Variants in SRC observed in about 807,000 individuals in gnomAD.
SRC encodes the protein proto-oncogene tyrosine-protein kinase Src.
In SRC, 13 loss-of-function variants were observed where a neutral mutation model predicts 62.9. The ratio of observed to expected loss-of-function variants is 0.21; its 90% confidence interval spans 0.13 to 0.33. The LOEUF (loss-of-function observed/expected upper bound fraction) is 0.33. SRC is among the 10% of genes least tolerant of loss of function. SRC has a pLI of 1.00. For missense variants in SRC, 457 were observed against 737.3 expected (o/e 0.62, Z 4.40); for synonymous variants, 302 against 317.5 (o/e 0.95, Z 0.52).
chr20:37,370,776 C>T (rs756921900), intron 2 of SRC, among the ~76,000 whole-genome samples: 2 of 152,030 alleles, frequency 1.3e-5, no homozygotes, highest in African/African-American at 2.4e-5. Flanking sequence ...GTTATGGTAT[C>T]GGGGTAATAC....
At chr20:37,356,201 T>C (rs968533900) in intron 1 of SRC, among the ~76,000 whole-genome samples, 6 of 152,062 alleles carry the variant, frequency 3.9e-5, no homozygotes, top group African/African-American at 1.4e-4. Flanking sequence ...GAGGGACCTC[T>C]GAGGGGAGAT....
chr20:37,384,229 G>T lies in SRC; in HGVS notation c.76G>T (p.Gly26Cys), dbSNP rs779676153. ...CCTGGAGCCCGCCGAGAACGTGCAC[G>T]GCGCTGGCGGGGGCGCTTTCCCCGC... ...RSLEPAENVH[G>C]AGGGAFPASQ... The change falls in exon 4 of 14, where the codon GGC (glycine) becomes TGC (cysteine). Residue 26 changes from glycine to cysteine, a missense_variant. Physicochemically the swap from Gly to Cys is radical, Grantham distance 159. Coordinates refer to ENST00000373578, the MANE Select transcript of SRC (RefSeq NM_198291.3). This position sits in a 1 kb window ranked among gnomAD's most constrained non-coding sequence, Gnocchi z 6.7. 1 of 1,577,028 alleles carries T rather than the reference G, an allele frequency of 6.3e-7. No individual in the cohort carries two copies. Among genetic ancestry groups the T allele is most frequent in the Non-Finnish European group, 8.6e-7 (1 of 1,168,288 alleles).
intron 9 of SRC, 110 bp from the exon 10 acceptor site, chr20:37,400,005 T>G: frequency 9.3e-7 from 1 of 1,076,272 alleles, no homozygotes; most frequent in African/African-American, 1.6e-5. Flanking sequence ...GTTTGTCACA[T>G]GGCTGTGGAG....
At chr20:37,400,337 A>T (rs756532151) in intron 10 of SRC, 43 bp downstream of exon 10, 1 of 1,554,704 alleles carries the variant, frequency 6.4e-7, no homozygotes, top group Non-Finnish European at 8.8e-7. Flanking sequence ...GGCACTCCGG[A>T]CAGGGCAGGG....
intron 2 of SRC, among the ~76,000 whole-genome samples, chr20:37,365,887 AT>A (rs879519652): frequency 3.0e-3 from 433 of 144,804 alleles, no homozygotes; most frequent in Non-Finnish European, 2.8e-3. Flanking sequence ...CCTGGCCAGA[AT>A]TTTTTTTTTT....
In SRC at chr20:37,384,491, G is replaced by T; in HGVS notation, c.250+88G>T. On this transcript the variant is annotated intron_variant, in intron 4 of 13. Coordinates refer to ENST00000373578, the MANE Select transcript of SRC (RefSeq NM_198291.3). The surrounding 1 kb of genome is among the most constrained non-coding windows in gnomAD (Gnocchi z 6.7). ...CTGTGTGCCCGGGGTCGCCCCCTCT[G>T]CGCAGGCCCTTCCTCTCGCCAGGGG... The T allele has an allele frequency of 2.4e-6, 3 of 1,251,288 alleles. No individual in the cohort carries two copies. The South Asian group carries it at 8.7e-5, about 36-fold the overall frequency. 77.5% of individuals were successfully genotyped at this position (1,251,288 alleles called of 1,614,324 possible).
rs575748132 is a variant in SRC, at chr20:37,385,894, G to C, written c.251-181G>C. Among the ~76,000 whole-genome samples the C allele has an allele frequency of 1.9e-3, 287 of 152,370 alleles. 1 individual carries two copies. Among genetic ancestry groups the C allele is most frequent in the African/African-American group, 6.5e-3 (270 of 41,586 alleles). The stretch of plus-strand genomic sequence containing the variant: ...CTCCCACACGCCCTTGCAGGGATGC[G>C]CAGATACACGGATGCAGTGGACACG... On this transcript the variant is annotated intron_variant, in intron 4 of 13. Coordinates refer to ENST00000373578, the MANE Select transcript of SRC (RefSeq NM_198291.3).
intron 2 of SRC, among the ~76,000 whole-genome samples, chr20:37,369,774 CT>C (rs1038632386): frequency 5.9e-5 from 9 of 151,612 alleles, no homozygotes; most frequent in African/African-American, 1.9e-4. Flanking sequence ...CTGGGGTTTT[CT>C]TTTTCTTTTT....
intron 7 of SRC, among the ~76,000 whole-genome samples, chr20:37,395,726 C>A (rs1282475255): frequency 2.0e-5 from 3 of 152,226 alleles, no homozygotes; most frequent in Non-Finnish European, 4.4e-5. Context: ...AGGCCAGGGC[C>A]ACACAGCCAC....
In SRC at chr20:37,404,570, G is replaced by A. The variant is rs763362628; in HGVS notation, c.*1191G>A. The A allele has an allele frequency of 4.3e-6, 1 of 233,728 alleles. No homozygotes were observed. The highest frequency in any genetic ancestry group is 8.5e-6 in the Non-Finnish European group (1 of 118,050). The allele number at this position is 233,728 out of a possible 1,614,324, so 14.5% of individuals were successfully genotyped here. ...CATGAGGAGGGAAAAGAGTGCCTAA[G>A]CGGGGGTGAAAGAGGACGTGTTACC... On this transcript the variant is annotated 3_prime_UTR_variant, in exon 14 of 14. Transcript: ENST00000373578.
In SRC at chr20:37,394,158, G is replaced by A. The variant is rs200685415; in HGVS notation, c.450-16G>A. On this transcript the variant is annotated splice_polypyrimidine_tract_variant and intron_variant, in intron 6 of 13. Transcript: ENST00000373578. ...GCCTGGACAGTCAGCACCATCCTCC[G>A]TCCTCCCACCCCCAGGTGGTATTTT... The A allele has an allele frequency of 2.5e-6, 4 of 1,610,308 alleles. No homozygotes were observed. Among genetic ancestry groups the A allele is most frequent in the South Asian group, 1.1e-5 (1 of 91,006 alleles).
At chr20:37,400,406 T>A in intron 10 of SRC, 112 bp downstream of exon 10, 1 of 958,196 alleles carries the variant, frequency 1.0e-6, no homozygotes, top group Non-Finnish European at 1.5e-6. Context: ...TGGAATGCAG[T>A]AGAGCCAAAT....
chr20:37,349,445 G>A (rs775232637), intron 1 of SRC, among the ~76,000 whole-genome samples: 8 of 152,196 alleles, frequency 5.3e-5, no homozygotes, highest in South Asian at 2.1e-4. Context: ...TGTTCTGACC[G>A]TCCCACTTGC....
At chr20:37,375,763 CA>C (rs1485320853) in intron 2 of SRC, among the ~76,000 whole-genome samples, 1 of 152,182 alleles carries the variant, frequency 6.6e-6, no homozygotes, top group Non-Finnish European at 1.5e-5. Flanking sequence ...GCTGCTGTAA[CA>C]AAATACCATA....
chr20:37,355,468 G>A (rs1009996405), intron 1 of SRC, among the ~76,000 whole-genome samples: 1 of 152,194 alleles, frequency 6.6e-6, no homozygotes, highest in Non-Finnish European at 1.5e-5. Flanking sequence ...GCCACTGGGA[G>A]TGGCTCCTGG....
chr20:37,369,088 C>A (rs1171158358), intron 2 of SRC, among the ~76,000 whole-genome samples: 1 of 152,168 alleles, frequency 6.6e-6, no homozygotes, highest in Non-Finnish European at 1.5e-5. Flanking sequence ...CATGCTGTTA[C>A]TGTTGTTTTA....
chr20:37,399,646 A>G (rs6018290), intron 9 of SRC, among the ~76,000 whole-genome samples: 23,043 of 151,400 alleles, frequency 0.15, 3,666 homozygotes, highest in African/African-American at 0.4. Flanking sequence ...CCAGGCTCAA[A>G]CCATTCTCCT....
Position 37,351,899 on chromosome 20 carries a change from G to A in SRC, c.-247+5644G>A, listed in dbSNP as rs149212777. Among the ~76,000 whole-genome samples the A allele has an allele frequency of 1.6e-3, 247 of 152,304 alleles. 1 individual carries two copies. The highest frequency in any genetic ancestry group is 5.6e-3 in the African/African-American group (231 of 41,564). ...GATTCTTATTAAGTGTGTACCCAAC[G>A]TGGCTAAAACTTTTCCCAGGTATAG... is the stretch of plus-strand genomic sequence containing the variant. On this transcript the variant is annotated intron_variant, in intron 1 of 13. Transcript: ENST00000373578. The surrounding 1 kb of genome is among the most constrained non-coding windows in gnomAD (Gnocchi z 4.4).
chr20:37,395,607 G>C (rs1359057871), intron 7 of SRC, among the ~76,000 whole-genome samples: 1 of 152,228 alleles, frequency 6.6e-6, no homozygotes, highest in Non-Finnish European at 1.5e-5. Flanking sequence ...GACGGCCAAA[G>C]CCTCTGCCAA....
Sources: allele counts gnomAD v4.1 joint callset (sites outside exome capture counted in the v4.1 genomes callset), GRCh38; gene constraint gnomAD v4.1.1; non-coding constraint Gnocchi (gnomAD v3.1); transcripts MANE v1.5; gene names NCBI Gene and HGNC (gene_info 2026-07-23, HGNC 2026-07-21).